Variants in BNC2 observed in about 807,000 individuals in gnomAD.
The protein encoded by BNC2 is zinc finger protein basonuclin-2.
In BNC2, 20 loss-of-function variants were observed where a neutral mutation model predicts 76.3. The observed-to-expected ratio is 0.26, with a 90% confidence interval of 0.18 to 0.38. BNC2 has a LOEUF of 0.38. Ranked by LOEUF, BNC2 falls within the 10% of genes least tolerant of loss-of-function variation. BNC2 has a pLI of 1.00. For missense variants in BNC2, 1,382 were observed against 1,399.8 expected (o/e 0.99, Z 0.20); for synonymous variants, 582 against 514.8 (o/e 1.13, Z -1.77).
chr9:16,744,053 G>A (rs1385273767), intron 1 of BNC2, among the ~76,000 whole-genome samples: 3 of 152,120 alleles, frequency 2.0e-5, no homozygotes, highest in South Asian at 2.1e-4. Flanking sequence ...TGCAAGCTCC[G>A]CCTCCCGGGT....
intron 1 of BNC2, among the ~76,000 whole-genome samples, chr9:16,750,531 C>T (rs9987701): frequency 3.3e-5 from 5 of 152,144 alleles, no homozygotes; most frequent in African/African-American, 1.2e-4. Context: ...CTGTCAGATG[C>T]GAATGGGCAT....
intron 1 of BNC2, among the ~76,000 whole-genome samples, chr9:16,784,766 G>T (rs79094641): frequency 6.0e-4 from 91 of 152,226 alleles, no homozygotes; most frequent in African/African-American, 2.0e-3. Flanking sequence ...GGAATGAAAA[G>T]GAGTTAAAAG....
At position 16,411,598 on chromosome 9, in the gene BNC2, A is replaced by C. The variant is rs749004506; in HGVS notation, c.*7391T>G. 1 of 152,622 alleles carries C rather than the reference A, an allele frequency of 6.6e-6. No individual in the cohort carries two copies. The highest frequency in any genetic ancestry group is 1.5e-5 in the Non-Finnish European group (1 of 68,044). The allele number at this position is 152,622 out of a possible 1,614,324, so 9.5% of individuals were successfully genotyped here. A position where few individuals can be genotyped will look rare whatever the true frequency, so the allele number is the denominator to read the frequency against. On this transcript the variant is annotated 3_prime_UTR_variant, in exon 7 of 7. Transcript: ENST00000380672. ...TAACATATACATACTGAGGAACTTAAGAAGTATCATGTCAACTAATTGCCT... is the reference window on the plus strand; with the variant it reads ...TAACATATACATACTGAGGAACTTACGAAGTATCATGTCAACTAATTGCCT...
chr9:16,758,725 A>G (rs1825466803), intron 1 of BNC2, among the ~76,000 whole-genome samples: 1 of 152,190 alleles, frequency 6.6e-6, no homozygotes, highest in Non-Finnish European at 1.5e-5. Context: ...CAAGACATAC[A>G]AAAATGTTAG....
rs111864682 is a variant in BNC2 at position 16,592,872 on chromosome 9, T to G, written c.331-9787A>C. Among the ~76,000 whole-genome samples the G allele has an allele frequency of 5.4e-3, 823 of 152,250 alleles. 5 individuals carry two copies. Among genetic ancestry groups the G allele is most frequent in the African/African-American group, 0.019 (776 of 41,544 alleles). On this transcript the variant is annotated intron_variant, in intron 3 of 6. Coordinates refer to ENST00000380672, the MANE Select transcript of BNC2 (RefSeq NM_017637.6). ...ATACACGGACGGTGAACAAAGAAAT[T>G]TTACTGTTGCTTATATTTGAAAATC...
chr9:16,426,318 T>C (rs529332651), intron 6 of BNC2, among the ~76,000 whole-genome samples: 1 of 143,210 alleles, frequency 7.0e-6, no homozygotes, highest in East Asian at 2.1e-4. Context: ...TGTGCCACCA[T>C]GCCCAGCTTT....
At chr9:16,474,110 T>C (rs554619679) in intron 5 of BNC2, among the ~76,000 whole-genome samples, 74 of 152,296 alleles carry the variant, frequency 4.9e-4, no homozygotes, top group Non-Finnish European at 7.5e-4. Context: ...TGCTTTAAAG[T>C]TCTGAGAGAA....
chr9:16,653,679 G>A (rs1319695190), intron 3 of BNC2, among the ~76,000 whole-genome samples: 4 of 152,082 alleles, frequency 2.6e-5, no homozygotes, highest in Non-Finnish European at 4.4e-5. Context: ...CTCCTGTGGG[G>A]TTCATCTGGT....
At position 16,417,358 on chromosome 9, in the gene BNC2, C is replaced by T. The variant is rs1482166610; in HGVS notation, c.*1631G>A. ...TTGGAGAATAGTCTCTCTCCTCTTT[C>T]TCACTCTCAATTGCTTGGTTTCAGG... is the stretch of plus-strand genomic sequence containing the variant. On this transcript the variant is annotated 3_prime_UTR_variant, in exon 7 of 7. Transcript: ENST00000380672. The T allele has an allele frequency of 1.3e-5, 2 of 152,428 alleles. No homozygotes were observed. The highest frequency in any genetic ancestry group is 4.8e-5 in the African/African-American group (2 of 41,466). The allele number at this position is 152,428 out of a possible 1,614,324, so 9.4% of individuals were successfully genotyped here. A position where few individuals can be genotyped will look rare whatever the true frequency, so the allele number is the denominator to read the frequency against.
intron 1 of BNC2, among the ~76,000 whole-genome samples, chr9:16,742,994 G>A (rs1192715987): frequency 1.3e-5 from 2 of 152,192 alleles, no homozygotes; most frequent in African/African-American, 4.8e-5. Context: ...TGGACCTCAT[G>A]AGTGAGAAAG....
chr9:16,579,283 TA>T (rs758338283), intron 4 of BNC2, among the ~76,000 whole-genome samples: 14 of 149,944 alleles, frequency 9.3e-5, no homozygotes, highest in Admixed American at 1.3e-4. Context: ...TTTAATTTAT[TA>T]TTTTTTTTTT....
At chr9:16,431,537 T>C in intron 6 of BNC2, 1 of 458,018 alleles carries the variant, frequency 2.2e-6, no homozygotes, top group Non-Finnish European at 4.6e-6. Context: ...CAGCCTCCTG[T>C]TCCTTAACAG....
In BNC2 at chr9:16,593,859, C is replaced by T. The variant is rs763841708; in HGVS notation, c.331-10774G>A. Among the ~76,000 whole-genome samples, 20 of 152,110 alleles carry T rather than the reference C, an allele frequency of 1.3e-4. No individual in the cohort carries two copies. The South Asian group carries it at 1.5e-3, about 11-fold the overall frequency. ...CACATTTTAACTCAGTCTATATTTA[C>T]CAGAACACCTAACTTTATAGAAGGA... is the stretch of plus-strand genomic sequence containing the variant. On this transcript the variant is annotated intron_variant, in intron 3 of 6. Transcript: ENST00000380672.
At chr9:16,680,473 C>G (rs545995958) in intron 3 of BNC2, among the ~76,000 whole-genome samples, 4 of 151,814 alleles carry the variant, frequency 2.6e-5, no homozygotes, top group Admixed American at 2.0e-4. Context: ...CACACTAATA[C>G]TTTTACAATA....
chr9:16,436,167 C>A lies in BNC2; in HGVS notation c.2027G>T (p.Cys676Phe), dbSNP rs1175913164. The change falls in exon 6 of 7, where the codon TGT (cysteine) becomes TTT (phenylalanine). Residue 676 changes from cysteine (C) to phenylalanine (F), a missense_variant. Physicochemically the swap from Cys to Phe is radical, Grantham distance 205. Around this residue, in one of 3 missense-constraint regions of BNC2, gnomAD observed 798 missense variants for 775.5 expected, o/e 1.03. Transcript: ENST00000380672. ...VVNDMSHDNH[C>F]HSQEEMSPGM... ...TGGGCTCATCTCCTCTTGGGAGTGA[C>A]AATGATTGTCATGGCTCATGTCATT... is the stretch of plus-strand genomic sequence containing the variant. 1 of 1,614,148 alleles carries A rather than the reference C, an allele frequency of 6.2e-7. No homozygotes were observed. Among genetic ancestry groups the A allele is most frequent in the South Asian group, 1.1e-5 (1 of 91,080 alleles).
Position 16,419,250 on chromosome 9 carries a change from G to A in BNC2, c.3039C>T (p.Gly1013=), listed in dbSNP as rs774978612. The change falls in exon 7 of 7, where the codon GGC becomes GGT. Residue 1013 remains glycine (G), a synonymous_variant. Coordinates refer to ENST00000380672, the MANE Select transcript of BNC2 (RefSeq NM_017637.6). ...ATCCTGAAACTTCAGCCCCTAGGCT[G>A]CCAGGGAGGGCAGGGGCCTCGGCCT... ...AHKAEAPALP[G]SLGAEVSGSL... is the part of the protein sequence containing the mutation. 5 of 1,614,218 alleles carry A rather than the reference G, an allele frequency of 3.1e-6. No homozygotes were observed. The East Asian group carries it at 8.9e-5, about 29-fold the overall frequency.
intron 6 of BNC2, chr9:16,431,381 A>G (rs1199194311): frequency 2.2e-5 from 10 of 444,744 alleles, no homozygotes; most frequent in Non-Finnish European, 4.3e-5. Context: ...ATGAGAAATG[A>G]TGAAAGGTAA....
rs113432472 is a variant in BNC2 at position 16,474,866 on chromosome 9, G to A, written c.670-37342C>T. ...AAAAACCCATGATGAACACCACATG[G>A]TGGGCTCATCTTGGGAGCTCTCTAT... On this transcript the variant is annotated intron_variant, in intron 5 of 6. Coordinates refer to ENST00000380672, the MANE Select transcript of BNC2 (RefSeq NM_017637.6). 3.3e-5 allele frequency among the ~76,000 whole-genome samples: 5 copies of A among 152,112 alleles called. 1 individual carries two copies. The highest frequency in any genetic ancestry group is 1.2e-4 in the African/African-American group (5 of 41,472).
At chr9:16,850,062 T>C (rs966695949) in intron 1 of BNC2, among the ~76,000 whole-genome samples, 1 of 152,154 alleles carries the variant, frequency 6.6e-6, no homozygotes, top group African/African-American at 2.4e-5. Flanking sequence ...TCTGTCAACC[T>C]CTCTAATTTC....
Sources: allele counts gnomAD v4.1 joint callset (sites outside exome capture counted in the v4.1 genomes callset), GRCh38; gene constraint gnomAD v4.1.1; regional missense constraint gnomAD v4.1.1; transcripts MANE v1.5; gene names NCBI Gene and HGNC (gene_info 2026-07-23, HGNC 2026-07-21).